TCOF1: variants seen among roughly 807,000 people sequenced by gnomAD.
The protein encoded by TCOF1 is treacle ribosome biogenesis factor 1, also known as treacle protein.
TCOF1 carries 33 observed loss-of-function variants against 149.0 expected under a neutral mutation model. The observed-to-expected ratio is 0.22, with a 90% CI of 0.17 to 0.30. The LOEUF (loss-of-function observed/expected upper bound fraction) is 0.30. Among genes scored for constraint, TCOF1 ranks in the 10% least tolerant of loss-of-function variants. The pLI is 1.00. For synonymous variants in TCOF1, 789 were observed against 738.8 expected, an observed-to-expected ratio of 1.07 and a Z score of -1.10; for missense variants, 1,728 against 1,840.7, an observed-to-expected ratio of 0.94 and a Z score of 1.12.
intron 1 of TCOF1, among the ~76,000 whole-genome samples, chr5:150,359,361 C>T (rs1482489445): frequency 6.7e-6 from 1 of 149,852 alleles, no homozygotes; most frequent in Non-Finnish European, 1.5e-5. Context: ...AAAAAAAAAA[C>T]GTCCATAGTG....
chr5:150,386,643 C>T (rs886443356), intron 17 of TCOF1, among the ~76,000 whole-genome samples: 3 of 152,246 alleles, frequency 2.0e-5, no homozygotes, highest in African/African-American at 4.8e-5. Context: ...TTCCACTCCT[C>T]TCTTAGCCTC....
In TCOF1 at chr5:150,375,529, T is replaced by A; in HGVS notation, c.1679T>A (p.Val560Glu). The change falls in exon 11 of 27, where the codon GTG becomes GAG. Residue 560 changes from valine (V) to glutamate (E), a missense_variant. This residue lies in a region of TCOF1 where 1,696 missense variants were observed against 1,765.4 expected (regional missense o/e 0.96). Transcript: ENST00000643257. ...TCATCAGACAGCAGTGATGGAGAGG[T>A]GCCCACAGCTGTGGCCCCGGCTCAG... ...EESSDSSDGE[V>E]PTAVAPAQEK... The A allele has an allele frequency of 1.2e-6, 2 of 1,613,932 alleles. No individual in the cohort carries two copies. Among genetic ancestry groups the A allele is most frequent in the East Asian group, 2.2e-5 (1 of 44,860 alleles).
Position 150,375,125 on chromosome 5 carries a change from A to G in TCOF1, c.1450A>G (p.Ser484Gly), listed in dbSNP as rs746215903. 3.7e-6 allele frequency: 6 copies of G among 1,613,396 alleles called. No individual in the cohort carries two copies. Among genetic ancestry groups the G allele is most frequent in the African/African-American group, 1.3e-5 (1 of 74,744 alleles). Residue 484 changes from serine to glycine, a missense_variant, in exon 10 of 27, where the codon AGT becomes GGT. This residue lies in a region of TCOF1 where 1,696 missense variants were observed against 1,765.4 expected (regional missense o/e 0.96). Coordinates refer to ENST00000643257, the MANE Select transcript of TCOF1 (RefSeq NM_001371623.1). The part of the protein sequence containing the change: ...DSRSSSEESD[S>G]DREALAAMNA... ...AAGAAGCAGCAGCGAGGAGTCAGAC[A>G]GTGACAGAGAGGCACTGGCAGCCAT...
rs114652052 is a variant in TCOF1 at position 150,367,991 on chromosome 5, G to T, written c.378+74G>T. On this transcript the variant is annotated intron_variant, in intron 4 of 26. Transcript: ENST00000643257. ...TGGTAGGGGACAGTCTTACATGTCA[G>T]AGAAGGATAGGGTTGTGAGTAATTG... 1.3e-3 allele frequency: 1,971 copies of T among 1,541,580 alleles called. 23 individuals are homozygous for T. The African/African-American group carries it at 0.02, about 15-fold the overall frequency.
chr5:150,371,915 G>A, intron 6 of TCOF1, 91 bp from the exon 7 acceptor site: 1 of 1,164,948 alleles, frequency 8.6e-7, no homozygotes, highest in Non-Finnish European at 1.3e-6. Context: ...CATTAGGAAA[G>A]AGCTTTATCA....
In TCOF1 at chr5:150,365,679, G is replaced by C. The variant is rs533267971; in HGVS notation, c.304+1427G>C. Among the ~76,000 whole-genome samples the C allele has an allele frequency of 7.2e-5, 11 of 152,232 alleles. No homozygotes were observed. In the South Asian group the frequency reaches 2.3e-3, roughly 32 times the overall value. ...ATCAATTTTATAAGCTGTGATAATG[G>C]AGGTGTAATTACATTTTTTTGTTTG... On this transcript the variant is annotated intron_variant, in intron 3 of 26. Coordinates refer to ENST00000643257, the MANE Select transcript of TCOF1 (RefSeq NM_001371623.1).
chr5:150,391,452 C>T (rs1375749934), intron 19 of TCOF1, 92 bp from the exon 20 acceptor site: 3 of 1,170,374 alleles, frequency 2.6e-6, no homozygotes, highest in Middle Eastern at 1.9e-4. Flanking sequence ...TGCTCCAGCC[C>T]TCACCCCAGC....
chr5:150,396,387 C>T lies in TCOF1; in HGVS notation c.3890C>T (p.Thr1297Ile), dbSNP rs1388476869. The change falls in exon 24 of 27, where the codon ACC (threonine) becomes ATC (isoleucine). Residue 1297 changes from threonine (T) to isoleucine (I), a missense_variant. Thr to Ile is a moderately conservative substitution (Grantham distance 89). Coordinates refer to ENST00000643257, the MANE Select transcript of TCOF1 (RefSeq NM_001371623.1). ...ACCCTGGCGCTGCAAAGCAACATCACCCAGTGCCTCCTGGGCCAACCCTGG... is the reference window on the plus strand; with the variant it reads ...ACCCTGGCGCTGCAAAGCAACATCATCCAGTGCCTCCTGGGCCAACCCTGG... Reference protein sequence around the residue: ...ASTLALQSNITQCLLGQPWPL... With the variant: ...ASTLALQSNIIQCLLGQPWPL... 8 of 1,613,912 alleles carry T rather than the reference C, an allele frequency of 5.0e-6. No individual in the cohort carries two copies. The highest frequency in any genetic ancestry group is 1.7e-5 in the Admixed American group (1 of 60,010).
chr5:150,370,008 G>C (rs1176113518), intron 6 of TCOF1, among the ~76,000 whole-genome samples: 1 of 152,192 alleles, frequency 6.6e-6, no homozygotes, highest in African/African-American at 2.4e-5. Flanking sequence ...GGCTGCGGCT[G>C]CTGAGAGGGT....
intron 16 of TCOF1, 27 bp downstream of exon 16, chr5:150,379,435 C>T (rs1299492818): frequency 6.2e-7 from 1 of 1,613,564 alleles, no homozygotes; most frequent in East Asian, 2.2e-5. Flanking sequence ...GGAGATCATC[C>T]CCTACATGGG....
In TCOF1 at chr5:150,376,203, C is replaced by T. The variant is rs772480162; in HGVS notation, c.2015C>T (p.Ala672Val). 39 of 1,614,090 alleles carry T rather than the reference C, an allele frequency of 2.4e-5. No homozygotes were observed. Among genetic ancestry groups the T allele is most frequent in the South Asian group, 1.8e-4 (16 of 91,090 alleles). The stretch of plus-strand genomic sequence containing the variant: ...CAAGCCCCCCGGAAAGCAGGAACTG[C>T]GACTTCTCCAGCAGGCTCATCCCCA... Reference protein sequence around the residue: ...GTQAPRKAGTATSPAGSSPAV... With the variant: ...GTQAPRKAGTVTSPAGSSPAV... The change falls in exon 13 of 27, where the codon GCG becomes GTG. Residue 672 changes from alanine (A) to valine (V), a missense_variant. Ala to Val is a moderately conservative substitution (Grantham distance 64, BLOSUM62 0). This residue lies in a region of TCOF1 where 1,696 missense variants were observed against 1,765.4 expected (regional missense o/e 0.96). Transcript: ENST00000643257.
Position 150,379,366 on chromosome 5 carries a change from G to A in TCOF1, c.2616G>A (p.Glu872=). The change falls in exon 16 of 27, where the codon GAG becomes GAA. Residue 872 remains glutamate, a synonymous_variant. Coordinates refer to ENST00000643257, the MANE Select transcript of TCOF1 (RefSeq NM_001371623.1). ...CAGAGGAGGACTCAGGGAGCAGTGA[G>A]GAGGAGTCAGACAGTGAGGAGGAGG... is the stretch of plus-strand genomic sequence containing the variant. ...TGPEEDSGSS[E]EESDSEEEAE... 6.2e-7 allele frequency: 1 copy of A among 1,613,722 alleles called. No individual in the cohort carries two copies. The highest frequency in any genetic ancestry group is 1.1e-5 in the South Asian group (1 of 91,046).
chr5:150,390,272 A>C (rs933033826), intron 19 of TCOF1, among the ~76,000 whole-genome samples: 1 of 152,208 alleles, frequency 6.6e-6, no homozygotes, highest in African/African-American at 2.4e-5. Flanking sequence ...CGAGTCCCTC[A>C]TGAGATTTTC....
chr5:150,384,568 A>G (rs1302124177), intron 17 of TCOF1: 1 of 985,306 alleles, frequency 1.0e-6, no homozygotes, highest in Non-Finnish European at 1.2e-6. Flanking sequence ...ACTGGGAGGG[A>G]GGGGACCGCT....
Position 150,362,140 on chromosome 5 carries a change from C to T in TCOF1, c.164+929C>T, listed in dbSNP as rs577359490. Among the ~76,000 whole-genome samples, 7 of 152,294 alleles carry T rather than the reference C, an allele frequency of 4.6e-5. No homozygotes were observed. The South Asian group carries it at 1.2e-3, about 27-fold the overall frequency. ...AGTATCTTATTGACTCCACATCTAA[C>T]TTGTGTACCCATGCATAGAGCTTGA... On this transcript the variant is annotated intron_variant, in intron 2 of 26. Coordinates refer to ENST00000643257, the MANE Select transcript of TCOF1 (RefSeq NM_001371623.1).
At chr5:150,385,116 T>C in intron 17 of TCOF1, 14 of 979,100 alleles carry the variant, frequency 1.4e-5, no homozygotes, top group Non-Finnish European at 1.7e-5. Context: ...ACAATGTATA[T>C]GTGTATCAAA....
Position 150,374,753 on chromosome 5 carries a change from A to G in TCOF1, c.1220A>G (p.Glu407Gly), listed in dbSNP as rs376097692. The G allele has an allele frequency of 2.5e-6, 4 of 1,612,562 alleles. No individual in the cohort carries two copies. The highest frequency in any genetic ancestry group is 2.2e-5 in the East Asian group (1 of 44,824). The change falls in exon 9 of 27, where the codon GAG becomes GGG. Residue 407 changes from glutamate (E) to glycine (G), a missense_variant. Coordinates refer to ENST00000643257, the MANE Select transcript of TCOF1 (RefSeq NM_001371623.1). ...GCCAAGGCCCAGGCGGGGAAGCGGG[A>G]GGAGGACTCGCAGAGCAGCAGCGAG... ...AVAKAQAGKR[E>G]EDSQSSSEES...
chr5:150,369,582 A>G lies in TCOF1; in HGVS notation c.619A>G (p.Ser207Gly). 6.2e-7 allele frequency: 1 copy of G among 1,614,168 alleles called. No homozygotes were observed. The highest frequency in any genetic ancestry group is 8.5e-7 in the Non-Finnish European group (1 of 1,180,028). Reference protein sequence around the residue: ...DSSSEDTSSSSDETDVEGKPS... With the variant: ...DSSSEDTSSSGDETDVEGKPS... ...CTCCAGCGAGGACACCTCCAGCTCC[A>G]GTGATGAGACAGACGTGGAGGTAAT... Residue 207 changes from serine to glycine, a missense_variant, in exon 6 of 27, where the codon AGT becomes GGT. By Grantham distance (56) the Ser-to-Gly change is moderately conservative. This residue lies in a region of TCOF1 where 1,696 missense variants were observed against 1,765.4 expected (regional missense o/e 0.96). Transcript: ENST00000643257.
At chr5:150,374,873 G>A (rs1464544526) in intron 9 of TCOF1, 62 bp downstream of exon 9, 3 of 1,609,934 alleles carry the variant, frequency 1.9e-6, no homozygotes, top group African/African-American at 2.7e-5. Flanking sequence ...CTGCATGGGT[G>A]TGGCCACCTT....
Sources: gnomAD v4.1 joint callset for allele counts (sites outside exome capture counted in the v4.1 genomes callset) on GRCh38, gnomAD v4.1.1 for gene constraint, gnomAD v4.1.1 regional missense constraint, MANE v1.5 for transcripts, NCBI Gene and HGNC (gene_info 2026-07-23, HGNC 2026-07-21) for gene names.